Variants in STOML3 observed in about 807,000 individuals in gnomAD.
STOML3 encodes stomatin like 3.
Under a neutral mutation model 29.5 loss-of-function variants are expected in STOML3, and 31 were observed. The ratio of observed to expected loss-of-function variants is 1.05; its 90% confidence interval spans 0.79 to 1.42. The LOEUF is 1.42. Ranked by LOEUF, STOML3 falls within the 40% of genes most tolerant of loss-of-function variation. The pLI is 0.00. For missense variants in STOML3, 380 were observed against 363.0 expected (o/e 1.05, Z -0.38); for synonymous variants, 122 against 139.8 (o/e 0.87, Z 0.90).
intron 1 of STOML3, among the ~76,000 whole-genome samples, chr13:38,983,535 A>G (rs1274085144): frequency 6.6e-6 from 1 of 152,214 alleles, no homozygotes; most frequent in African/African-American, 2.4e-5. Context: ...AAGATTATGT[A>G]ATAAAAGCTC....
chr13:38,968,407 C>T lies in STOML3; in HGVS notation c.644G>A (p.Arg215Lys). 1 of 1,614,178 alleles carries T rather than the reference C, an allele frequency of 6.2e-7. No individual in the cohort carries two copies. The highest frequency in any genetic ancestry group is 2.2e-5 in the East Asian group (1 of 44,864). ...GAACTGCACAACACTTACCTTGGCT[C>T]TCGCTTCCCGGGTGGCCTCAGCCTC... ...AAEAEATREA[R>K]AKVLAAEGEM... The change falls in exon 6 of 7, where the codon AGA (arginine) becomes AAA (lysine). Residue 215 changes from arginine to lysine, a missense_variant. By Grantham distance (26) the Arg-to-Lys change is conservative. Transcript: ENST00000379631.
intron 1 of STOML3, among the ~76,000 whole-genome samples, chr13:38,980,542 GA>G (rs1274696940): frequency 3.4e-5 from 5 of 149,170 alleles, no homozygotes; most frequent in Non-Finnish European, 7.4e-5. Flanking sequence ...GATGATGGAA[GA>G]AAAAGGGGCT....
intron 1 of STOML3, among the ~76,000 whole-genome samples, 179 bp downstream of exon 1, chr13:38,990,491 G>A (rs147044146): frequency 1.4e-3 from 207 of 152,190 alleles, no homozygotes; most frequent in African/African-American, 4.8e-3. Flanking sequence ...ATAGACTGCC[G>A]TTCAAGAAGC....
At chr13:38,977,789 T>A in intron 1 of STOML3, among the ~76,000 whole-genome samples, 1 of 132,214 alleles carries the variant, frequency 7.6e-6, no homozygotes. Context: ...AGACGGAGTC[T>A]CGCTCTGTCG....
intron 4 of STOML3, 69 bp from the exon 5 acceptor site, chr13:38,970,457 G>T: frequency 7.6e-7 from 1 of 1,321,232 alleles, no homozygotes; most frequent in Non-Finnish European, 1.1e-6. Flanking sequence ...GTGACAGCCA[G>T]CCCAAGAGCC....
Position 38,976,574 on chromosome 13 carries a change from C to T in STOML3, c.195G>A (p.Leu65=). The T allele has an allele frequency of 6.2e-7, 1 of 1,614,190 alleles. No individual in the cohort carries two copies. Among genetic ancestry groups the T allele is most frequent in the Non-Finnish European group, 8.5e-7 (1 of 1,180,040 alleles). ...KEYERAVVFR[L]GRIQADKAKG... Reference sequence around the variant, plus strand: ...TGGCTTTGTCAGCTTGGATGCGTCCCAGACGGAATACAACAGCACGTTCAT... The same window carrying T: ...TGGCTTTGTCAGCTTGGATGCGTCCTAGACGGAATACAACAGCACGTTCAT... Residue 65 remains leucine, a synonymous_variant, in exon 3 of 7, where the codon CTG becomes CTA. Coordinates refer to ENST00000379631, the MANE Select transcript of STOML3 (RefSeq NM_145286.3).
chr13:38,982,139 A>G (rs1881286244), intron 1 of STOML3, among the ~76,000 whole-genome samples: 1 of 152,138 alleles, frequency 6.6e-6, no homozygotes, highest in African/African-American at 2.4e-5. Context: ...GAGATATAAT[A>G]GTGGGCACAA....
intron 1 of STOML3, among the ~76,000 whole-genome samples, chr13:38,978,186 T>C (rs944686272): frequency 1.2e-4 from 18 of 145,310 alleles, no homozygotes; most frequent in Non-Finnish European, 2.8e-4. Flanking sequence ...CAGAGTCTCA[T>C]TCTGTCGCCC....
chr13:38,987,651 A>AAT (rs1292576100), intron 1 of STOML3, among the ~76,000 whole-genome samples: 1 of 142,212 alleles, frequency 7.0e-6, no homozygotes, highest in African/African-American at 2.6e-5. Flanking sequence ...ACATTGCCTT[A>AAT]ATATATATAT....
At chr13:38,971,461 G>T (rs996239709) in intron 4 of STOML3, among the ~76,000 whole-genome samples, 1 of 152,092 alleles carries the variant, frequency 6.6e-6, no homozygotes, top group Non-Finnish European at 1.5e-5. Flanking sequence ...GTTGATTTTC[G>T]TCTTCTTATC....
intron 1 of STOML3, among the ~76,000 whole-genome samples, chr13:38,977,692 G>A (rs937284126): frequency 6.7e-6 from 1 of 150,164 alleles, no homozygotes; most frequent in Admixed American, 6.7e-5. Context: ...TCCTACTTCA[G>A]CCACCTAAAA....
At position 38,984,121 on chromosome 13, in the gene STOML3, CTCTTCCTACA is replaced by C. The variant is rs1868409256; in HGVS notation, c.52+6539_52+6548del. Among the ~76,000 whole-genome samples, 7 of 152,246 alleles carry C rather than the reference CTCTTCCTACA, an allele frequency of 4.6e-5. 1 individual carries two copies. In the South Asian group the frequency reaches 1.0e-3, roughly 23 times the overall value. Reference sequence around the variant, plus strand: ...TCAGAGCCCAGGCTTCACACACGGGCTCTTCCTACATTCGTCATTTGTTTTTCAAGTAGCA... The same window carrying C: ...TCAGAGCCCAGGCTTCACACACGGGCTTCGTCATTTGTTTTTCAAGTAGCA... On this transcript the variant is annotated intron_variant, in intron 1 of 6. Coordinates refer to ENST00000379631, the MANE Select transcript of STOML3 (RefSeq NM_145286.3).
intron 3 of STOML3, 51 bp from the exon 4 acceptor site, chr13:38,972,645 A>T: frequency 6.5e-7 from 1 of 1,529,562 alleles, no homozygotes; most frequent in Non-Finnish European, 9.0e-7. Flanking sequence ...AAATAACTAC[A>T]AGTAGTCTCA....
intron 1 of STOML3, among the ~76,000 whole-genome samples, chr13:38,988,264 A>ATATATTTTATATAAAATATAT (rs1566211574): frequency 2.0e-4 from 16 of 80,688 alleles, no homozygotes; most frequent in African/African-American, 4.4e-4. Flanking sequence ...ATTTTATATC[A>ATATATTTTATATAAAATATAT]TATATTATAT....
At chr13:38,967,675 A>G (rs1455197607) in intron 6 of STOML3, among the ~76,000 whole-genome samples, 1 of 152,158 alleles carries the variant, frequency 6.6e-6, no homozygotes, top group Non-Finnish European at 1.5e-5. Context: ...CTCTTCTATC[A>G]TTGCCGAGTC....
intron 1 of STOML3, among the ~76,000 whole-genome samples, chr13:38,985,471 GT>G (rs1351052370): frequency 6.6e-6 from 1 of 152,026 alleles, no homozygotes; most frequent in Non-Finnish European, 1.5e-5. Flanking sequence ...AAGAAAAAAT[GT>G]TTTCCTTGCA....
chr13:38,973,032 G>T (rs945192109), intron 3 of STOML3, among the ~76,000 whole-genome samples: 8 of 142,396 alleles, frequency 5.6e-5, no homozygotes, highest in African/African-American at 2.1e-4. Context: ...GCCGAGGCAG[G>T]CAGATCACCT....
At chr13:38,971,532 G>T (rs1880867429) in intron 4 of STOML3, among the ~76,000 whole-genome samples, 1 of 152,098 alleles carries the variant, frequency 6.6e-6, no homozygotes, top group Non-Finnish European at 1.5e-5. Context: ...AACCACTTTG[G>T]TTATGAGAGG....
chr13:38,971,531 G>A (rs947678279), intron 4 of STOML3, among the ~76,000 whole-genome samples: 1 of 152,122 alleles, frequency 6.6e-6, no homozygotes, highest in Admixed American at 6.5e-5. Context: ...GAACCACTTT[G>A]GTTATGAGAG....
Sources: allele counts gnomAD v4.1 joint callset (sites outside exome capture counted in the v4.1 genomes callset), GRCh38; gene constraint gnomAD v4.1.1; transcripts MANE v1.5; gene names NCBI Gene and HGNC (gene_info 2026-07-23, HGNC 2026-07-21).